ADCY7: variants seen among roughly 807,000 people sequenced by gnomAD.
ADCY7 encodes the protein adenylate cyclase type 7.
ADCY7 carries 72 observed loss-of-function variants against 120.6 expected under a neutral mutation model. The ratio of observed to expected loss-of-function variants is 0.60; its 90% CI spans 0.49 to 0.73. ADCY7 has a LOEUF of 0.73. ADCY7 is among the 30% of genes least tolerant of loss of function. ADCY7 has a pLI of 0.00. For missense variants in ADCY7, 1,227 were observed against 1,486.0 expected, an observed-to-expected ratio of 0.83 and a Z score of 2.87; for synonymous variants, 661 against 628.0, an observed-to-expected ratio of 1.05 and a Z score of -0.78.
At chr16:50,253,747 C>T (rs921733966) in intron 1 of ADCY7, among the ~76,000 whole-genome samples, 8 of 152,152 alleles carry the variant, frequency 5.3e-5, no homozygotes, top group African/African-American at 1.9e-4. Context: ...TGACGCCGCC[C>T]AGGCTGGCAC....
Position 50,294,670 on chromosome 16 carries a change from G to A in ADCY7, c.867G>A (p.Thr289=), listed in dbSNP as rs367949630. ...SILYADIVGF[T]QLASDCSPKE... is the part of the protein sequence containing the mutation. ...TCTATGCGGACATCGTGGGCTTCAC[G>A]CAGCTGGCCAGCGACTGTTCTCCCA... Residue 289 remains threonine, a synonymous_variant, in exon 7 of 26, where the codon ACG becomes ACA. Coordinates refer to ENST00000673801, the MANE Select transcript of ADCY7 (RefSeq NM_001114.5). 4.7e-5 allele frequency: 71 copies of A among 1,519,634 alleles called. 1 individual carries two copies. The highest frequency in any genetic ancestry group is 1.8e-4 in the Middle Eastern group (1 of 5,522). The allele number at this position is 1,519,634 out of a possible 1,614,324, so 94.1% of individuals were successfully genotyped here.
intron 1 of ADCY7, among the ~76,000 whole-genome samples, chr16:50,254,012 G>C (rs566939196): frequency 3.9e-5 from 6 of 152,284 alleles, no homozygotes; most frequent in African/African-American, 1.4e-4. Context: ...CAGGAGCAGG[G>C]TTGAGGCTGG....
chr16:50,309,479 AC>A, intron 17 of ADCY7, 68 bp from the exon 18 acceptor site: 1 of 1,360,350 alleles, frequency 7.4e-7, no homozygotes, highest in Non-Finnish European at 1.0e-6. Flanking sequence ...CCTGGGGCCC[AC>A]CTTGCATGGC....
intron 1 of ADCY7, among the ~76,000 whole-genome samples, chr16:50,246,915 A>G (rs1356629727): frequency 1.3e-5 from 2 of 152,162 alleles, no homozygotes; most frequent in Non-Finnish European, 2.9e-5. Flanking sequence ...CTCCTTTCTG[A>G]GTCCCAGAGC....
At chr16:50,249,869 G>T (rs1252696415) in intron 1 of ADCY7, among the ~76,000 whole-genome samples, 1 of 152,218 alleles carries the variant, frequency 6.6e-6, no homozygotes, top group Non-Finnish European at 1.5e-5. Flanking sequence ...ATGACCACCT[G>T]CTGAGTGAGG....
At chr16:50,250,268 C>T (rs2032715837) in intron 1 of ADCY7, among the ~76,000 whole-genome samples, 1 of 152,010 alleles carries the variant, frequency 6.6e-6, no homozygotes, top group South Asian at 2.1e-4. Flanking sequence ...CCAGCCTGGC[C>T]AACATGTTGA....
intron 5 of ADCY7, 37 bp from the exon 6 acceptor site, chr16:50,293,317 T>G (rs1297613073): frequency 6.2e-7 from 1 of 1,600,952 alleles, no homozygotes; most frequent in African/African-American, 1.3e-5. Context: ...CCGGTCGCTT[T>G]GCTGGTCCCT....
Position 50,304,949 on chromosome 16 carries a change from A to C in ADCY7, c.1585A>C (p.Thr529Pro). The C allele has an allele frequency of 6.2e-7, 1 of 1,613,264 alleles. No individual in the cohort carries two copies. The highest frequency in any genetic ancestry group is 8.5e-7 in the Non-Finnish European group (1 of 1,179,978). The change falls in exon 12 of 26, where the codon ACC becomes CCC. Residue 529 changes from threonine to proline, a missense_variant. Physicochemically the swap from Thr to Pro is conservative, Grantham distance 38. This residue lies in a region of ADCY7 where 332 missense variants were observed against 455.8 expected (regional missense o/e 0.73). Transcript: ENST00000673801. ...PKSVPQRHRR[T>P]PDRSMSPKGR... ...GAGCGTTCCCCAGCGCCACCGCCGGACCCCAGACAGGTGCGTGCCCTGCCC... is the reference window on the plus strand; with the variant it reads ...GAGCGTTCCCCAGCGCCACCGCCGGCCCCCAGACAGGTGCGTGCCCTGCCC...
chr16:50,304,182 G>A (rs2035910174), intron 10 of ADCY7, among the ~76,000 whole-genome samples, 178 bp from the exon 11 acceptor site: 2 of 152,198 alleles, frequency 1.3e-5, no homozygotes, highest in African/African-American at 4.8e-5. Context: ...TGGCTGGCTA[G>A]TCCCCAAGGG....
chr16:50,255,425 G>A (rs1223539608), intron 1 of ADCY7, among the ~76,000 whole-genome samples: 1 of 117,668 alleles, frequency 8.5e-6, no homozygotes, highest in Non-Finnish European at 1.7e-5. Flanking sequence ...AAAAAAAGAC[G>A]TATCAACCAA....
In ADCY7 at chr16:50,315,439, A is replaced by G. The variant is rs151084913; in HGVS notation, c.3177A>G (p.Lys1059=). ...ECRGLINVKG[K]GELRTYFVCT... Reference sequence around the variant, plus strand: ...GTGGCCTGATCAACGTCAAAGGCAAAGGCGAGCTGAGGACTTACTTTGTCT... The same window carrying G: ...GTGGCCTGATCAACGTCAAAGGCAAGGGCGAGCTGAGGACTTACTTTGTCT... The change falls in exon 26 of 26, where the codon AAA becomes AAG. Residue 1059 remains lysine (K), a synonymous_variant. Coordinates refer to ENST00000673801, the MANE Select transcript of ADCY7 (RefSeq NM_001114.5). The G allele has an allele frequency of 2.2e-4, 363 of 1,614,070 alleles. No homozygotes were observed. The highest frequency in any genetic ancestry group is 2.9e-4 in the Non-Finnish European group (348 of 1,180,016).
Position 50,307,054 on chromosome 16 carries a change from G to A in ADCY7, c.1757G>A (p.Arg586His), listed in dbSNP as rs927431610. The A allele has an allele frequency of 1.2e-5, 20 of 1,607,130 alleles. No individual in the cohort carries two copies. The highest frequency in any genetic ancestry group is 2.7e-5 in the African/African-American group (2 of 74,870). ...CACAGTCCCTGCTGCCCCCAGTACC[G>A]CCTGGCACCCATCCCCCGGGCCCGC... ...FLEKGFEREY[R>H]LAPIPRARHD... The change falls in exon 15 of 26, where the codon CGC becomes CAC. Residue 586 changes from arginine (R) to histidine (H), a missense_variant. Arg to His is a conservative substitution (Grantham distance 29). Coordinates refer to ENST00000673801, the MANE Select transcript of ADCY7 (RefSeq NM_001114.5).
rs200290421 is a variant in ADCY7, at chr16:50,303,435, AGGACTTCC to A, written c.1369-921_1369-914del. On this transcript the variant is annotated intron_variant, in intron 10 of 25. Transcript: ENST00000673801. The stretch of plus-strand genomic sequence containing the variant: ...GGGTGTTTGTGGGGCCCTAGGAGAC[AGGACTTCC>A]GGAGGCAGAGGAATGTTTCAGGGGC... Among the ~76,000 whole-genome samples, 472 of 152,334 alleles carry A rather than the reference AGGACTTCC, an allele frequency of 3.1e-3. 4 individuals are homozygous for A. The highest frequency in any genetic ancestry group is 0.01 in the African/African-American group (435 of 41,564).
intron 14 of ADCY7, among the ~76,000 whole-genome samples, chr16:50,306,598 C>G (rs186476115): frequency 2.7e-4 from 41 of 152,078 alleles, no homozygotes; most frequent in African/African-American, 9.2e-4. Flanking sequence ...GGATGGTCTC[C>G]CTACCTGCCA....
At chr16:50,304,687 C>T in intron 11 of ADCY7, 136 bp downstream of exon 11, 4 of 1,052,528 alleles carry the variant, frequency 3.8e-6, no homozygotes, top group Non-Finnish European at 5.6e-6. Flanking sequence ...TGCCCCACCT[C>T]CTGGGGCTGG....
rs375310503 is a variant in ADCY7, at chr16:50,292,840, C to T, written c.687+15C>T. The stretch of plus-strand genomic sequence containing the variant: ...AGCGCCAGCAGGTGGGACCCGGCCC[C>T]CACTCCTCACCCTGTACACCCCTGT... On this transcript the variant is annotated intron_variant, in intron 5 of 25. Transcript: ENST00000673801. 8.7e-6 allele frequency: 14 copies of T among 1,611,568 alleles called. No individual in the cohort carries two copies. In the African/African-American group the frequency reaches 1.9e-4, roughly 22 times the overall value.
chr16:50,315,164 G>A (rs1274525233), intron 25 of ADCY7, 26 bp downstream of exon 25: 3 of 1,612,632 alleles, frequency 1.9e-6, no homozygotes, highest in East Asian at 4.5e-5. Context: ...GGAAGCAGTT[G>A]ACTAAGGGGA....
In ADCY7 at chr16:50,315,484, T is replaced by G; in HGVS notation, c.3222T>G (p.Phe1074Leu). 1.2e-6 allele frequency: 2 copies of G among 1,613,304 alleles called. No individual in the cohort carries two copies. The highest frequency in any genetic ancestry group is 1.7e-6 in the Non-Finnish European group (2 of 1,179,282). The stretch of plus-strand genomic sequence containing the variant: ...TTGTCTGTACGGACACTGCCAAGTT[T>G]CAGGGGCTGGGGCTGAACTGAGGGC... ...TYFVCTDTAK[F>L]QGLGLN The change falls in exon 26 of 26, where the codon TTT becomes TTG. Residue 1074 changes from phenylalanine to leucine, a missense_variant. Phe to Leu is a conservative substitution (Grantham distance 22). Transcript: ENST00000673801.
At chr16:50,288,698 G>A (rs1283354457) in intron 2 of ADCY7, among the ~76,000 whole-genome samples, 3 of 151,772 alleles carry the variant, frequency 2.0e-5, no homozygotes, top group Non-Finnish European at 2.9e-5. Flanking sequence ...GGCTGGTCTC[G>A]AACTCCCAAC....
Sources: allele counts gnomAD v4.1 joint callset (sites outside exome capture counted in the v4.1 genomes callset), GRCh38; gene constraint gnomAD v4.1.1; regional missense constraint gnomAD v4.1.1; transcripts MANE v1.5; gene names NCBI Gene and HGNC (gene_info 2026-07-23, HGNC 2026-07-21).